The following CDC42BPA variants were observed in gnomAD, a reference collection of about 807,000 sequenced individuals.
CDC42BPA encodes CDC42 binding protein kinase alpha.
A neutral mutation model predicts 223.5 loss-of-function variants in CDC42BPA; 80 were observed. The ratio of observed to expected loss-of-function variants is 0.36; its 90% confidence interval spans 0.30 to 0.43. The LOEUF is 0.43. Among genes scored for constraint, CDC42BPA ranks in the 20% least tolerant of loss-of-function variants. CDC42BPA has a pLI of 1.00. For missense variants in CDC42BPA, 1,743 were observed against 2,099.9 expected, an observed-to-expected ratio of 0.83 and a Z score of 3.32; for synonymous variants, 694 against 718.6, an observed-to-expected ratio of 0.97 and a Z score of 0.55.
chr1:227,006,553 C>T (rs1180338757), intron 34 of CDC42BPA, among the ~76,000 whole-genome samples: 3 of 152,222 alleles, frequency 2.0e-5, no homozygotes, highest in Non-Finnish European at 4.4e-5. Flanking sequence ...CCCAGTCCCA[C>T]TATGTGCCTT....
intron 4 of CDC42BPA, among the ~76,000 whole-genome samples, chr1:227,197,314 T>G (rs531472550): frequency 6.6e-6 from 1 of 152,252 alleles, no homozygotes; most frequent in African/African-American, 2.4e-5. Context: ...AAGGCAACCT[T>G]TGATGATAAC....
chr1:226,992,720 CTT>C lies in CDC42BPA; in HGVS notation c.*1546_*1547del, dbSNP rs1199502988. The C allele has an allele frequency of 2.6e-5, 4 of 152,240 alleles. No homozygotes were observed. Among genetic ancestry groups the C allele is most frequent in the African/African-American group, 9.6e-5 (4 of 41,464 alleles). 9.4% of individuals were successfully genotyped at this position (152,240 alleles called of 1,614,324 possible). On this transcript the variant is annotated 3_prime_UTR_variant, in exon 37 of 37. Transcript: ENST00000366766. ...GAAAAGTAAAAGAGAGGCAAAATCT[CTT>C]TCCTTCATGAGATACTTTTATTTTT... is the stretch of plus-strand genomic sequence containing the variant.
At chr1:227,177,033 C>T (rs1011161469) in intron 5 of CDC42BPA, among the ~76,000 whole-genome samples, 1 of 151,018 alleles carries the variant, frequency 6.6e-6, no homozygotes, top group African/African-American at 2.4e-5. Context: ...CCCTACCTCT[C>T]TCGATTATCT....
chr1:227,255,306 G>T (rs991309116), intron 1 of CDC42BPA, among the ~76,000 whole-genome samples: 2 of 152,170 alleles, frequency 1.3e-5, no homozygotes, highest in African/African-American at 4.8e-5. Flanking sequence ...GAGCATTAGG[G>T]GAGTGAAACA....
chr1:227,069,860 G>T lies in CDC42BPA; in HGVS notation c.2828-7C>A. On this transcript the variant is annotated splice_polypyrimidine_tract_variant and splice_region_variant and intron_variant, in intron 20 of 36. Transcript: ENST00000366766. Reference sequence around the variant, plus strand: ...GAGTCTTGGTGCTCTATACCTAGAAGACAGCAGCAACTTTTTTTAAGGCTA... The same window carrying T: ...GAGTCTTGGTGCTCTATACCTAGAATACAGCAGCAACTTTTTTTAAGGCTA... The T allele has an allele frequency of 6.2e-7, 1 of 1,603,768 alleles. No homozygotes were observed. Among genetic ancestry groups the T allele is most frequent in the Non-Finnish European group, 8.5e-7 (1 of 1,172,004 alleles).
intron 1 of CDC42BPA, among the ~76,000 whole-genome samples, chr1:227,309,939 T>C (rs946569390): frequency 1.6e-4 from 25 of 152,346 alleles, no homozygotes; most frequent in African/African-American, 6.0e-4. Context: ...TATCTTTCAG[T>C]GCACATGACT....
intron 2 of CDC42BPA, among the ~76,000 whole-genome samples, chr1:227,236,087 A>G (rs1358577325): frequency 6.6e-6 from 1 of 152,102 alleles, no homozygotes; most frequent in Non-Finnish European, 1.5e-5. Context: ...TTTATTTTCT[A>G]TGTACCTCAG....
chr1:227,005,935 G>T (rs1663943221), intron 34 of CDC42BPA, among the ~76,000 whole-genome samples: 1 of 152,234 alleles, frequency 6.6e-6, no homozygotes, highest in African/African-American at 2.4e-5. Context: ...GATTACGGTT[G>T]AGAACAGAAA....
intron 2 of CDC42BPA, among the ~76,000 whole-genome samples, chr1:227,222,452 C>A (rs189371125): frequency 9.1e-4 from 136 of 149,732 alleles, no homozygotes; most frequent in Non-Finnish European, 1.4e-3. Context: ...TGAGCCAAGA[C>A]CACGCCACTG....
chr1:227,230,808 TTTTCTTTC>T lies in CDC42BPA; in HGVS notation c.271-17597_271-17590del, dbSNP rs1203487410. On this transcript the variant is annotated intron_variant, in intron 2 of 36. Coordinates refer to ENST00000366766, the MANE Select transcript of CDC42BPA (RefSeq NM_001394014.1). Reference sequence around the variant, plus strand: ...TCCTGCTAACTGATTTCTATTTCTTTTTTCTTTCTTTCTTTTTTTTTTTTTTTTTTTGA... The same window carrying T: ...TCCTGCTAACTGATTTCTATTTCTTTTTTCTTTTTTTTTTTTTTTTTTTGA... Among the ~76,000 whole-genome samples, 833 of 109,308 alleles carry T rather than the reference TTTTCTTTC, an allele frequency of 7.6e-3. 32 individuals are homozygous for T. Among genetic ancestry groups the T allele is most frequent in the Middle Eastern group, 0.012 (2 of 168 alleles). 71.7% of individuals were successfully genotyped at this position (109,308 alleles called of 152,430 possible). A position where few individuals can be genotyped will look rare whatever the true frequency, so the allele number is the denominator to read the frequency against.
intron 2 of CDC42BPA, among the ~76,000 whole-genome samples, chr1:227,217,041 T>C (rs772947218): frequency 6.6e-6 from 1 of 152,222 alleles, no homozygotes; most frequent in African/African-American, 2.4e-5. Context: ...CAGTATTTTA[T>C]GTTCATTCTT....
intron 2 of CDC42BPA, among the ~76,000 whole-genome samples, chr1:227,243,387 AG>A (rs1263992418): frequency 2.4e-4 from 33 of 139,010 alleles, no homozygotes; most frequent in Non-Finnish European, 2.4e-4. Context: ...TGGCACACAT[AG>A]GGGCCCAACT....
chr1:227,118,975 T>C (rs1688203003), intron 12 of CDC42BPA, among the ~76,000 whole-genome samples: 1 of 152,056 alleles, frequency 6.6e-6, no homozygotes, highest in African/African-American at 2.4e-5. Context: ...TAAAGGTTAT[T>C]TGTTTTATTT....
chr1:227,279,619 T>G (rs962809853), intron 1 of CDC42BPA, among the ~76,000 whole-genome samples: 2 of 152,288 alleles, frequency 1.3e-5, no homozygotes, highest in African/African-American at 4.8e-5. Flanking sequence ...ACTGAAGGCT[T>G]TATATTTGGA....
intron 1 of CDC42BPA, among the ~76,000 whole-genome samples, chr1:227,285,702 A>C (rs77915777): frequency 0.093 from 14,134 of 152,308 alleles, 839 homozygotes; most frequent in Middle Eastern, 0.16. Flanking sequence ...TTATCGAATG[A>C]GAATAAAATC....
At chr1:227,018,799 T>C (rs1666798019) in intron 32 of CDC42BPA, among the ~76,000 whole-genome samples, 1 of 152,262 alleles carries the variant, frequency 6.6e-6, no homozygotes, top group South Asian at 2.1e-4. Context: ...TACTGTAGTC[T>C]GTTAAGTGTG....
intron 10 of CDC42BPA, 103 bp from the exon 11 acceptor site, chr1:227,129,334 G>A (rs1656503731): frequency 2.3e-6 from 2 of 852,156 alleles, no homozygotes; most frequent in African/African-American, 1.8e-5. Flanking sequence ...CAATTTTATA[G>A]AACAAAACAT....
intron 1 of CDC42BPA, among the ~76,000 whole-genome samples, chr1:227,297,067 C>A (rs2148699878): frequency 6.6e-6 from 1 of 152,258 alleles, no homozygotes; most frequent in South Asian, 2.1e-4. Context: ...ACCTTCTGCT[C>A]AATTTCACTG....
chr1:227,196,338 C>CTTTTTTTTTTTTTTTTTCTTTTT (rs1670695743), intron 4 of CDC42BPA, among the ~76,000 whole-genome samples: 3 of 92,350 alleles, frequency 3.2e-5, no homozygotes, highest in Admixed American at 2.9e-4. Flanking sequence ...TTAAACAATA[C>CTTTTTTTTTTTTTTTTTCTTTTT]TTTTTTTTTT....
Sources: gnomAD v4.1 joint callset for allele counts (sites outside exome capture counted in the v4.1 genomes callset) on GRCh38, gnomAD v4.1.1 for gene constraint, MANE v1.5 for transcripts, NCBI Gene and HGNC (gene_info 2026-07-23, HGNC 2026-07-21) for gene names.